The following LYN variants were observed in gnomAD, a reference collection of about 807,000 sequenced individuals.
The protein encoded by LYN is LYN proto-oncogene, Src family tyrosine kinase.
Under a neutral mutation model 65.0 loss-of-function variants are expected in LYN, and 12 were observed. The ratio of observed to expected loss-of-function variants is 0.18; its 90% CI spans 0.12 to 0.30. LYN has a LOEUF of 0.30. Ranked by LOEUF, LYN falls within the 10% of genes least tolerant of loss-of-function variation. LYN has a pLI of 1.00. For synonymous variants in LYN, 222 were observed against 221.2 expected, an observed-to-expected ratio of 1.00 and a Z score of -0.03; for missense variants, 380 against 623.2, an observed-to-expected ratio of 0.61 and a Z score of 4.16.
At chr8:55,893,222 CT>C (rs1175596953) in intron 1 of LYN, among the ~76,000 whole-genome samples, 2 of 152,132 alleles carry the variant, frequency 1.3e-5, no homozygotes, top group Non-Finnish European at 2.9e-5. Context: ...ATTTAAATAC[CT>C]TTTTATTCAT....
chr8:55,984,251 A>G (rs978965537), intron 10 of LYN, among the ~76,000 whole-genome samples: 2 of 152,180 alleles, frequency 1.3e-5, no homozygotes, highest in Admixed American at 6.5e-5. Flanking sequence ...TTGGGGGGAC[A>G]TTAGTTAATC....
At chr8:55,943,989 A>G (rs1746815588) in intron 2 of LYN, among the ~76,000 whole-genome samples, 1 of 152,014 alleles carries the variant, frequency 6.6e-6, no homozygotes. Flanking sequence ...AGGCTGAGGC[A>G]GGAGAATTGT....
chr8:55,905,798 T>C (rs1012182191), intron 1 of LYN, among the ~76,000 whole-genome samples: 1 of 152,014 alleles, frequency 6.6e-6, no homozygotes, highest in African/African-American at 2.4e-5. Context: ...ATCATGTGAG[T>C]GCATGAAGTC....
intron 1 of LYN, among the ~76,000 whole-genome samples, chr8:55,896,736 G>GTTTA (rs1245211413): frequency 1.2e-4 from 18 of 152,026 alleles, no homozygotes; most frequent in Middle Eastern, 3.4e-3. Flanking sequence ...AGCTCCTCAC[G>GTTTA]TTTATTTATT....
At chr8:55,992,445 T>C (rs1378460260) in intron 10 of LYN, among the ~76,000 whole-genome samples, 2 of 152,178 alleles carry the variant, frequency 1.3e-5, no homozygotes, top group East Asian at 3.8e-4. Context: ...CCAAGGTGTT[T>C]GGAGAACCTT....
chr8:55,904,410 G>A (rs777649651), intron 1 of LYN, among the ~76,000 whole-genome samples: 4 of 152,072 alleles, frequency 2.6e-5, no homozygotes, highest in Admixed American at 6.5e-5. Context: ...ACAATCCTGG[G>A]TTCTATTTGT....
intron 1 of LYN, among the ~76,000 whole-genome samples, chr8:55,895,308 A>G (rs1805064019): frequency 6.6e-6 from 1 of 152,174 alleles, no homozygotes; most frequent in African/African-American, 2.4e-5. Flanking sequence ...TGAAGAAGTG[A>G]GTCCCTTAGT....
rs1044845370 is a variant in LYN, at chr8:56,010,427, A to G, written c.*317A>G. ...TCCAAAAATGCACCCAACTAGCTCT[A>G]TGTTTACAAATGGACATAGGACTCA... On this transcript the variant is annotated 3_prime_UTR_variant, in exon 13 of 13. Coordinates refer to ENST00000519728, the MANE Select transcript of LYN (RefSeq NM_002350.4). 66 of 370,834 alleles carry G rather than the reference A, an allele frequency of 1.8e-4. No homozygotes were observed. Among genetic ancestry groups the G allele is most frequent in the African/African-American group, 1.3e-3 (65 of 49,840 alleles). The allele number at this position is 370,834 out of a possible 1,614,324, so 23.0% of individuals were successfully genotyped here.
At chr8:55,940,418 C>T (rs1806574540) in intron 1 of LYN, 1 of 152,156 alleles carries the variant, frequency 6.6e-6, no homozygotes, top group African/African-American at 2.4e-5. Context: ...TGCTGTCGCC[C>T]AGGCTGGAGT....
intron 8 of LYN, 80 bp downstream of exon 8, chr8:55,954,064 C>A: frequency 6.9e-7 from 1 of 1,459,170 alleles, no homozygotes. Flanking sequence ...TTTCGATCAG[C>A]TTCTGAGCCA....
chr8:55,908,980 AT>A (rs1805507366), intron 1 of LYN, among the ~76,000 whole-genome samples: 1 of 62,500 alleles, frequency 1.6e-5, no homozygotes, highest in Admixed American at 1.9e-4. Flanking sequence ...ATGGTATTCC[AT>A]TGTGTATGTA....
chr8:55,970,523 C>T (rs926627243), intron 10 of LYN, among the ~76,000 whole-genome samples: 3 of 152,126 alleles, frequency 2.0e-5, no homozygotes, highest in Admixed American at 1.3e-4. Context: ...TATTGGCAAT[C>T]GGTGGTTTCA....
At chr8:55,911,192 C>CGTATATATATACATATATAT (rs754921780) in intron 1 of LYN, among the ~76,000 whole-genome samples, 1 of 8,792 alleles carries the variant, frequency 1.1e-4, no homozygotes, top group Non-Finnish European at 3.2e-4. Context: ...TATATATACA[C>CGTATATATATACATATATAT]ACACACATAT....
chr8:55,955,591 C>A (rs1268024487), intron 8 of LYN, among the ~76,000 whole-genome samples: 1 of 152,218 alleles, frequency 6.6e-6, no homozygotes, highest in East Asian at 1.9e-4. Context: ...TTAGTACATT[C>A]ACAATATTGT....
In LYN at chr8:55,950,817, C is replaced by A. The variant is rs1554580371; in HGVS notation, c.487+33C>A. 8 of 1,420,870 alleles carry A rather than the reference C, an allele frequency of 5.6e-6. No individual in the cohort carries two copies. The Admixed American group carries it at 1.0e-4, about 18-fold the overall frequency. The allele number at this position is 1,420,870 out of a possible 1,614,324, so 88.0% of individuals were successfully genotyped here. ...ATTGTTCAAAGCCTCTTTTAAAACA[C>A]TATTTAGGAAATTATTTTTAGAAAC... is the stretch of plus-strand genomic sequence containing the variant. On this transcript the variant is annotated intron_variant, in intron 6 of 12. Transcript: ENST00000519728.
chr8:55,950,883 T>C, intron 6 of LYN, 99 bp downstream of exon 6: 1 of 784,252 alleles, frequency 1.3e-6, no homozygotes, highest in Non-Finnish European at 2.2e-6. Context: ...GCATATAGTA[T>C]GCTCTGGTAG....
intron 12 of LYN, among the ~76,000 whole-genome samples, chr8:56,007,715 G>A (rs1326972299): frequency 6.6e-6 from 1 of 152,184 alleles, no homozygotes; most frequent in African/African-American, 2.4e-5. Flanking sequence ...GAAATACATA[G>A]AAACCTACTC....
rs550697277 is a variant in LYN at position 55,993,190 on chromosome 8, C to T, written c.1051-5156C>T. 1.2e-4 allele frequency among the ~76,000 whole-genome samples: 18 copies of T among 152,028 alleles called. No homozygotes were observed. In the South Asian group the frequency reaches 1.5e-3, roughly 12 times the overall value. On this transcript the variant is annotated intron_variant, in intron 10 of 12. Transcript: ENST00000519728. ...TTTAATTTTAATTCAGTAATTCTTCCTGGAGGAATAATAATGAAAAAAAAG... is the reference window on the plus strand; with the variant it reads ...TTTAATTTTAATTCAGTAATTCTTCTTGGAGGAATAATAATGAAAAAAAAG...
intron 8 of LYN, among the ~76,000 whole-genome samples, chr8:55,960,853 G>A (rs1453691997): frequency 6.6e-6 from 1 of 152,142 alleles, no homozygotes; most frequent in African/African-American, 2.4e-5. Context: ...GGGGGAAGGG[G>A]CTGGGTGGGG....
Sources: allele counts gnomAD v4.1 joint callset (sites outside exome capture counted in the v4.1 genomes callset), GRCh38; gene constraint gnomAD v4.1.1; transcripts MANE v1.5; gene names NCBI Gene and HGNC (gene_info 2026-07-23, HGNC 2026-07-21).